Variants in CMIP observed in about 807,000 individuals in gnomAD.
CMIP encodes C-Maf-inducing protein.
CMIP carries 13 observed loss-of-function variants against 97.3 expected under a neutral mutation model. The observed-to-expected ratio is 0.13, with a 90% CI of 0.09 to 0.21. The LOEUF (loss-of-function observed/expected upper bound fraction) is 0.21, where lower values mean the gene tolerates loss of function less well. Ranked by LOEUF, CMIP falls within the 10% of genes least tolerant of loss-of-function variation. CMIP has a pLI of 1.00. For missense variants in CMIP, 847 were observed against 1,024.9 expected (o/e 0.83, Z 2.37); for synonymous variants, 538 against 436.3 (o/e 1.23, Z -2.91).
intron 1 of CMIP, among the ~76,000 whole-genome samples, chr16:81,554,261 CA>C (rs1250272765): frequency 6.6e-6 from 1 of 152,174 alleles, no homozygotes; most frequent in African/African-American, 2.4e-5. Flanking sequence ...AATTAGCATT[CA>C]GAGAAAATGC....
At position 81,704,055 on chromosome 16, in the gene CMIP, G is replaced by T. The variant is rs370761826; in HGVS notation, c.2061G>T (p.Ser687=). 1.2e-6 allele frequency: 2 copies of T among 1,604,662 alleles called. No homozygotes were observed. Among genetic ancestry groups the T allele is most frequent in the African/African-American group, 2.7e-5 (2 of 74,512 alleles). The change falls in exon 18 of 21, where the codon TCG becomes TCT. Residue 687 remains serine, a synonymous_variant. Coordinates refer to ENST00000537098, the MANE Select transcript of CMIP (RefSeq NM_198390.3). Reference sequence around the variant, plus strand: ...CCGAGCACCTCATCAAACTGCCTTCGCTCAAGCAGCTGAACCTGTGGTCCA... The same window carrying T: ...CCGAGCACCTCATCAAACTGCCTTCTCTCAAGCAGCTGAACCTGTGGTCCA... ...ACAEHLIKLP[S]LKQLNLWSTQ...
intron 2 of CMIP, among the ~76,000 whole-genome samples, chr16:81,607,925 T>G (rs150673083): frequency 9.2e-4 from 140 of 152,326 alleles, no homozygotes; most frequent in African/African-American, 3.3e-3. Flanking sequence ...TAGGAACTTT[T>G]CAGGTTGCTC....
intron 1 of CMIP, among the ~76,000 whole-genome samples, chr16:81,446,194 G>T (rs145057734): frequency 6.6e-6 from 1 of 152,046 alleles, no homozygotes; most frequent in Non-Finnish European, 1.5e-5. Flanking sequence ...AGCGGTGGTC[G>T]AGTTCTAGCC....
At chr16:81,533,289 T>A (rs1283758004) in intron 1 of CMIP, among the ~76,000 whole-genome samples, 1 of 152,318 alleles carries the variant, frequency 6.6e-6, no homozygotes, top group Middle Eastern at 3.4e-3. Context: ...ACCTGCTAGA[T>A]GCTCAGTACA....
chr16:81,598,303 G>GGGC (rs1452953685), intron 1 of CMIP, among the ~76,000 whole-genome samples: 3 of 152,132 alleles, frequency 2.0e-5, no homozygotes, highest in Admixed American at 2.0e-4. Flanking sequence ...CTGACCAACA[G>GGGC]GGCGGCGCCT....
chr16:81,486,982 G>T (rs980107924), intron 1 of CMIP, among the ~76,000 whole-genome samples: 1 of 152,276 alleles, frequency 6.6e-6, no homozygotes, highest in Non-Finnish European at 1.5e-5. Context: ...GGCGTTGAGC[G>T]CCGTGAGGGA....
Position 81,651,709 on chromosome 16 carries a change from T to C in CMIP, c.478-494T>C, listed in dbSNP as rs568650135. On this transcript the variant is annotated intron_variant, in intron 3 of 20. Coordinates refer to ENST00000537098, the MANE Select transcript of CMIP (RefSeq NM_198390.3). The stretch of plus-strand genomic sequence containing the variant: ...GAAGTGAGTTTGGCAGAAGATACGA[T>C]CTAAAAGAGAAGTCTCCCCCTTTTC... Among the ~76,000 whole-genome samples, 4 of 152,238 alleles carry C rather than the reference T, an allele frequency of 2.6e-5. No individual in the cohort carries two copies. In the South Asian group the frequency reaches 8.3e-4, roughly 32 times the overall value.
chr16:81,620,123 C>T (rs2091973546), intron 2 of CMIP: 1 of 152,146 alleles, frequency 6.6e-6, no homozygotes, highest in Non-Finnish European at 1.5e-5. Flanking sequence ...TTAAAACATC[C>T]CTGGAAAATC....
At chr16:81,490,238 T>C (rs78372952) in intron 1 of CMIP, among the ~76,000 whole-genome samples, 10,069 of 152,278 alleles carry the variant, frequency 0.066, 413 homozygotes, top group African/African-American at 0.1. Context: ...GCAAGGAATA[T>C]AGCATCACAG....
At chr16:81,578,725 C>T (rs1042865260) in intron 1 of CMIP, among the ~76,000 whole-genome samples, 33 of 152,236 alleles carry the variant, frequency 2.2e-4, no homozygotes, top group African/African-American at 7.5e-4. Context: ...GTGCATACAT[C>T]CTCTGTGTCC....
Position 81,445,510 on chromosome 16 carries a change from C to A in CMIP, c.269C>A (p.Thr90Lys). 6.4e-7 allele frequency: 1 copy of A among 1,551,712 alleles called. No individual in the cohort carries two copies. The highest frequency in any genetic ancestry group is 8.7e-7 in the Non-Finnish European group (1 of 1,147,584). ...AGGCGCTGGGAGCCGCACCACCTAA[C>A]GCTGGCCGACAACAGCCTGGCGTCC... is the stretch of plus-strand genomic sequence containing the variant. ...FLRRWEPHHLTLADNSLASAT... is the reference protein window; with the variant it reads ...FLRRWEPHHLKLADNSLASAT... Residue 90 changes from threonine to lysine, a missense_variant, in exon 1 of 21, where the codon ACG (threonine) becomes AAG (lysine). Around this residue, in one of 4 missense-constraint regions of CMIP, gnomAD observed 285 missense variants for 392.2 expected, o/e 0.73. Transcript: ENST00000537098.
At chr16:81,591,038 CA>C (rs2091459473) in intron 1 of CMIP, among the ~76,000 whole-genome samples, 1 of 152,266 alleles carries the variant, frequency 6.6e-6, no homozygotes, top group South Asian at 2.1e-4. Context: ...ATATGGCCCA[CA>C]AAGCCTGAAG....
At chr16:81,664,807 C>T in intron 7 of CMIP, 1 of 280,310 alleles carries the variant, frequency 3.6e-6, no homozygotes, top group Non-Finnish European at 6.5e-6. Context: ...TCAACATCGA[C>T]AACAACAAGC....
chr16:81,548,634 A>C (rs1181055567), intron 1 of CMIP, among the ~76,000 whole-genome samples: 1 of 150,912 alleles, frequency 6.6e-6, no homozygotes, highest in Non-Finnish European at 1.5e-5. Flanking sequence ...TGAAGCTAGG[A>C]GTTGGAGACC....
intron 1 of CMIP, chr16:81,464,072 T>C (rs1014034385): frequency 1.3e-5 from 2 of 152,240 alleles, no homozygotes; most frequent in African/African-American, 4.8e-5. Context: ...GGGAAGAAGC[T>C]AGGGCTCCAT....
At chr16:81,596,661 A>T (rs768169364) in intron 1 of CMIP, among the ~76,000 whole-genome samples, 38 of 152,146 alleles carry the variant, frequency 2.5e-4, no homozygotes, top group Non-Finnish European at 4.6e-4. Flanking sequence ...CCTCCCCAGA[A>T]GCTCCTATTT....
At chr16:81,485,021 T>C (rs9929047) in intron 1 of CMIP, among the ~76,000 whole-genome samples, 105 of 152,268 alleles carry the variant, frequency 6.9e-4, no homozygotes, top group African/African-American at 2.2e-3. Flanking sequence ...AGCTGCGCAT[T>C]GGAATTACTT....
At chr16:81,604,824 A>G (rs2091716102) in intron 1 of CMIP, among the ~76,000 whole-genome samples, 1 of 152,250 alleles carries the variant, frequency 6.6e-6, no homozygotes, top group African/African-American at 2.4e-5. Context: ...TGAAAGGTAG[A>G]CTCAGAAAGC....
intron 1 of CMIP, among the ~76,000 whole-genome samples, chr16:81,604,715 A>G (rs2091714213): frequency 6.6e-6 from 1 of 152,122 alleles, no homozygotes. Flanking sequence ...AAACAAAACA[A>G]AAAAACAGTA....
Sources: allele counts gnomAD v4.1 joint callset (sites outside exome capture counted in the v4.1 genomes callset), GRCh38; gene constraint gnomAD v4.1.1; regional missense constraint gnomAD v4.1.1; transcripts MANE v1.5; gene names NCBI Gene and HGNC (gene_info 2026-07-23, HGNC 2026-07-21).